FAM241A: variants seen among roughly 807,000 people sequenced by gnomAD.
FAM241A encodes family with sequence similarity 241 member A, also known as uncharacterized protein FAM241A.
A neutral mutation model predicts 12.2 loss-of-function variants in FAM241A; 7 were observed. The observed-to-expected ratio is 0.58, with a 90% CI of 0.33 to 1.08. FAM241A has a LOEUF of 1.08. FAM241A is among the 50% of genes least tolerant of loss of function. FAM241A has a pLI of 0.04. For synonymous variants in FAM241A, 74 were observed against 68.2 expected, an observed-to-expected ratio of 1.08 and a Z score of -0.42; for missense variants, 161 against 169.7, an observed-to-expected ratio of 0.95 and a Z score of 0.29.
intron 1 of FAM241A, among the ~76,000 whole-genome samples, chr4:112,149,481 A>G (rs1723204795): frequency 6.6e-6 from 1 of 152,186 alleles, no homozygotes; most frequent in East Asian, 1.9e-4. Flanking sequence ...TCTTTTATAA[A>G]TCGTGCTGTC....
At chr4:112,186,133 A>G (rs950122536) in intron 1 of FAM241A, among the ~76,000 whole-genome samples, 1 of 152,144 alleles carries the variant, frequency 6.6e-6, no homozygotes, top group Non-Finnish European at 1.5e-5. Flanking sequence ...TACTGGGTAG[A>G]CATTTGGCCT....
At chr4:112,147,796 T>G (rs1420875716) in intron 1 of FAM241A, among the ~76,000 whole-genome samples, 2 of 152,152 alleles carry the variant, frequency 1.3e-5, no homozygotes, top group Non-Finnish European at 2.9e-5. Flanking sequence ...ATTTAGAACT[T>G]AAGGTGAACT....
chr4:112,154,037 A>G (rs1723302237), intron 1 of FAM241A, among the ~76,000 whole-genome samples: 1 of 152,092 alleles, frequency 6.6e-6, no homozygotes, highest in Non-Finnish European at 1.5e-5. Context: ...GAATGTCTGC[A>G]GATGGCCTAC....
In FAM241A at chr4:112,187,083, G is replaced by A; in HGVS notation, c.*145G>A. On this transcript the variant is annotated 3_prime_UTR_variant, in exon 2 of 2. Transcript: ENST00000309733. ...TTTGTAAGTAAATTTATACATGGAT[G>A]TCACTTAAAACTAAACTCTTGATCA... The A allele has an allele frequency of 1.2e-6, 1 of 835,898 alleles. No individual in the cohort carries two copies. Among genetic ancestry groups the A allele is most frequent in the Admixed American group, 2.5e-5 (1 of 40,156 alleles). The allele number at this position is 835,898 out of a possible 1,614,324, so 51.8% of individuals were successfully genotyped here.
At chr4:112,181,814 A>G (rs1366264407) in intron 1 of FAM241A, among the ~76,000 whole-genome samples, 3 of 152,250 alleles carry the variant, frequency 2.0e-5, no homozygotes, top group Non-Finnish European at 4.4e-5. Context: ...AGACCCAGAT[A>G]GAAGCCAGAC....
chr4:112,152,510 A>G (rs952230782), intron 1 of FAM241A, among the ~76,000 whole-genome samples: 21 of 152,160 alleles, frequency 1.4e-4, no homozygotes, highest in African/African-American at 4.8e-4. Flanking sequence ...CAGAATTTCA[A>G]ACTTTTCTCT....
intron 1 of FAM241A, chr4:112,171,075 C>T (rs1431488344): frequency 4.3e-6 from 1 of 232,636 alleles, no homozygotes; most frequent in Non-Finnish European, 8.6e-6. Context: ...CAATTGAGAC[C>T]AGGTGCTATA....
At chr4:112,180,588 C>A (rs1723913756) in intron 1 of FAM241A, among the ~76,000 whole-genome samples, 1 of 151,740 alleles carries the variant, frequency 6.6e-6, no homozygotes, top group South Asian at 2.1e-4. Context: ...CTGACTGATA[C>A]ATTTGTAAAA....
intron 1 of FAM241A, among the ~76,000 whole-genome samples, chr4:112,185,341 G>C (rs1724017041): frequency 6.6e-6 from 1 of 152,138 alleles, no homozygotes; most frequent in African/African-American, 2.4e-5. Context: ...ATGGTCACCA[G>C]ATCAGCATCA....
At chr4:112,155,600 T>C (rs946627136) in intron 1 of FAM241A, among the ~76,000 whole-genome samples, 2 of 152,004 alleles carry the variant, frequency 1.3e-5, no homozygotes, top group Middle Eastern at 3.4e-3. Context: ...ATTTAATTTA[T>C]ATCATTTTTT....
chr4:112,147,223 T>C (rs1723158121), intron 1 of FAM241A, among the ~76,000 whole-genome samples: 1 of 152,250 alleles, frequency 6.6e-6, no homozygotes, highest in African/African-American at 2.4e-5. Context: ...AAAGTACATC[T>C]TAGAAAACAT....
At chr4:112,150,902 T>C (rs947415381) in intron 1 of FAM241A, among the ~76,000 whole-genome samples, 3 of 152,226 alleles carry the variant, frequency 2.0e-5, no homozygotes, top group Non-Finnish European at 4.4e-5. Context: ...CATAGCTATC[T>C]AGCATGTGAG....
rs1723813395 is a variant in FAM241A, at chr4:112,176,006, T to G, written c.154-10687T>G. Reference sequence around the variant, plus strand: ...AATACTGGACACAGGAAGACAGTTATAAGTGAATCTTAAATCGTCAACTCA... The same window carrying G: ...AATACTGGACACAGGAAGACAGTTAGAAGTGAATCTTAAATCGTCAACTCA... On this transcript the variant is annotated intron_variant, in intron 1 of 1. Transcript: ENST00000309733. 6.6e-5 allele frequency among the ~76,000 whole-genome samples: 10 copies of G among 152,226 alleles called. No individual in the cohort carries two copies. In the South Asian group the frequency reaches 2.1e-3, roughly 31 times the overall value.
Position 112,145,494 on chromosome 4 carries a change from A to G in FAM241A, c.-87A>G, listed in dbSNP as rs992445662. ...GTCAGCGGCGGGTGCGGCGGATCCC[A>G]GGGCAGCCTTCGGGCGGCGGCGCTG... On this transcript the variant is annotated 5_prime_UTR_variant, in exon 1 of 2. Transcript: ENST00000309733. 66 of 1,164,532 alleles carry G rather than the reference A, an allele frequency of 5.7e-5. No individual in the cohort carries two copies. Among genetic ancestry groups the G allele is most frequent in the Admixed American group, 1.3e-4 (3 of 22,304 alleles). 72.1% of individuals were successfully genotyped at this position (1,164,532 alleles called of 1,614,324 possible). A position where few individuals can be genotyped will look rare whatever the true frequency, so the allele number is the denominator to read the frequency against.
At chr4:112,154,361 A>G (rs1025003132) in intron 1 of FAM241A, among the ~76,000 whole-genome samples, 1 of 152,216 alleles carries the variant, frequency 6.6e-6, no homozygotes, top group Non-Finnish European at 1.5e-5. Flanking sequence ...TCCACTTCCC[A>G]GGTTCAAGCA....
intron 1 of FAM241A, among the ~76,000 whole-genome samples, chr4:112,171,680 A>C (rs550972126): frequency 3.9e-5 from 6 of 152,204 alleles, no homozygotes; most frequent in Admixed American, 2.0e-4. Flanking sequence ...TAACACGGTG[A>C]AACCTCGTCT....
At chr4:112,151,828 A>T (rs1326589284) in intron 1 of FAM241A, among the ~76,000 whole-genome samples, 1 of 152,164 alleles carries the variant, frequency 6.6e-6, no homozygotes, top group Non-Finnish European at 1.5e-5. Flanking sequence ...GCAGACTAGA[A>T]CCCAGGTTTC....
intron 1 of FAM241A, among the ~76,000 whole-genome samples, chr4:112,177,425 T>C (rs139947437): frequency 1.1e-3 from 175 of 152,302 alleles, no homozygotes; most frequent in African/African-American, 4.0e-3. Context: ...TAGGGATTAA[T>C]GGTGAGTCCC....
rs1723274042 is a variant in FAM241A at position 112,152,947 on chromosome 4, A to C, written c.153+7214A>C. Reference sequence around the variant, plus strand: ...AAATGCCTAACACATGGAGGCACTCAATAAATATTTGCTCCTTATTTCTCC... The same window carrying C: ...AAATGCCTAACACATGGAGGCACTCCATAAATATTTGCTCCTTATTTCTCC... On this transcript the variant is annotated intron_variant, in intron 1 of 1. Coordinates refer to ENST00000309733, the MANE Select transcript of FAM241A (RefSeq NM_152400.3). Among the ~76,000 whole-genome samples, 3 of 152,194 alleles carry C rather than the reference A, an allele frequency of 2.0e-5. No individual in the cohort carries two copies. In the South Asian group the frequency reaches 6.2e-4, roughly 32 times the overall value.
Sources: allele counts gnomAD v4.1 joint callset (sites outside exome capture counted in the v4.1 genomes callset), GRCh38; gene constraint gnomAD v4.1.1; transcripts MANE v1.5; gene names NCBI Gene and HGNC (gene_info 2026-07-23, HGNC 2026-07-21).